The following DCAF6 variants were observed in gnomAD, a reference collection of about 807,000 sequenced individuals.
DCAF6 encodes the protein DDB1- and CUL4-associated factor 6.
Under a neutral mutation model 125.1 loss-of-function variants are expected in DCAF6, and 54 were observed. The observed-to-expected ratio is 0.43, with a 90% CI of 0.35 to 0.54. The LOEUF is 0.54. DCAF6 is among the 20% of genes least tolerant of loss of function. DCAF6 has a pLI of 0.01. For missense variants in DCAF6, 934 were observed against 1,161.7 expected, an observed-to-expected ratio of 0.80 and a Z score of 2.85; for synonymous variants, 371 against 390.4, an observed-to-expected ratio of 0.95 and a Z score of 0.58.
At chr1:168,011,901 A>C (rs548572835) in intron 10 of DCAF6, among the ~76,000 whole-genome samples, 144 of 152,280 alleles carry the variant, frequency 9.5e-4, no homozygotes, top group African/African-American at 3.3e-3. Flanking sequence ...TGAACCCAGT[A>C]GGCAGAGGTT....
At chr1:167,924,341 T>G in the DCAF6 span, 1 of 542,730 alleles carries the variant, frequency 1.8e-6, no homozygotes, top group Admixed American at 4.1e-5. Context: ...TTGCTTTATG[T>G]AGAAAACGAT....
the DCAF6 span, among the ~76,000 whole-genome samples, chr1:167,915,415 A>G: frequency 6.6e-6 from 1 of 152,190 alleles, no homozygotes; most frequent in Non-Finnish European, 1.5e-5. Context: ...CTTCCTTTAA[A>G]GTACTTAAAG....
In DCAF6 at chr1:168,075,552, C is replaced by CT. The variant is rs1480428882; in HGVS notation, c.*124dup. 41 of 894,322 alleles carry CT rather than the reference C, an allele frequency of 4.6e-5. No individual in the cohort carries two copies. Among genetic ancestry groups the CT allele is most frequent in the Non-Finnish European group, 6.2e-5 (38 of 612,888 alleles). The allele number at this position is 894,322 out of a possible 1,614,324, so 55.4% of individuals were successfully genotyped here. A position where few individuals can be genotyped will look rare whatever the true frequency, so the allele number is the denominator to read the frequency against. ...AGGTTATGGTTTTTGGAGTTTTTCC[C>CT]TTTTTTTGGGATAACCTAACATTGG... On this transcript the variant is annotated 3_prime_UTR_variant, in exon 22 of 22. Coordinates refer to ENST00000367840, the MANE Select transcript of DCAF6 (RefSeq NM_001198956.2).
intron 20 of DCAF6, among the ~76,000 whole-genome samples, chr1:168,067,264 T>G (rs1248555734): frequency 7.2e-5 from 11 of 152,180 alleles, no homozygotes; most frequent in Admixed American, 5.9e-4. Flanking sequence ...AGTTGATGTA[T>G]TGTATACATA....
At chr1:167,894,019 C>T in the DCAF6 span, 2 of 990,144 alleles carry the variant, frequency 2.0e-6, no homozygotes, top group Admixed American at 1.9e-5. Flanking sequence ...GGCTCCCAGT[C>T]CCTATTCTCT....
chr1:167,879,887 C>T, the DCAF6 span, among the ~76,000 whole-genome samples: 1 of 152,180 alleles, frequency 6.6e-6, no homozygotes, highest in African/African-American at 2.4e-5. Flanking sequence ...CATATAGCCT[C>T]CCACTGCTCC....
the DCAF6 span, among the ~76,000 whole-genome samples, chr1:167,872,057 C>T: frequency 6.6e-6 from 1 of 152,030 alleles, no homozygotes; most frequent in Non-Finnish European, 1.5e-5. Flanking sequence ...AATAAAGTTT[C>T]CAGGCTGGGA....
At chr1:168,004,467 C>A in intron 9 of DCAF6, 66 bp from the exon 10 acceptor site, 1 of 1,463,678 alleles carries the variant, frequency 6.8e-7, no homozygotes, top group Non-Finnish European at 9.4e-7. Context: ...CTGAGCATAT[C>A]TGTTTAGAGT....
At chr1:167,905,599 TAAA>T in the DCAF6 span, among the ~76,000 whole-genome samples, 315 of 145,894 alleles carry the variant, frequency 2.2e-3, 2 homozygotes, top group African/African-American at 7.4e-3. Context: ...TTTCTCTCTT[TAAA>T]AAAAAAAAAA....
At chr1:168,039,757 A>G (rs1688280371) in intron 13 of DCAF6, among the ~76,000 whole-genome samples, 2 of 149,028 alleles carry the variant, frequency 1.3e-5, no homozygotes, top group African/African-American at 4.9e-5. Context: ...AATATAATAT[A>G]GTTATGTATT....
chr1:167,882,176 C>A, the DCAF6 span, among the ~76,000 whole-genome samples: 1 of 152,172 alleles, frequency 6.6e-6, no homozygotes, highest in African/African-American at 2.4e-5. Context: ...CATCACTTTT[C>A]TCTGAATTGA....
chr1:167,897,696 CA>C, the DCAF6 span, among the ~76,000 whole-genome samples: 2,970 of 2,970 alleles, frequency 1, 1,485 homozygotes, highest in Non-Finnish European at 1. Flanking sequence ...CAGGAGACTA[CA>C]TCAAAAATAT....
upstream of DCAF6, chr1:167,936,145 T>A (rs1044731715): frequency 2.9e-6 from 1 of 348,802 alleles, no homozygotes; most frequent in Non-Finnish European, 5.4e-6. Flanking sequence ...AAGTCTGCGC[T>A]GCGCCCTGCT....
chr1:167,899,410 G>C, the DCAF6 span: 12 of 1,613,524 alleles, frequency 7.4e-6, 2 homozygotes, highest in Admixed American at 2.0e-4. Context: ...GTAAGTAGCA[G>C]CATCACACCC....
At chr1:167,985,269 A>G (rs1462470688) in intron 4 of DCAF6, among the ~76,000 whole-genome samples, 1 of 151,878 alleles carries the variant, frequency 6.6e-6, no homozygotes, top group East Asian at 1.9e-4. Flanking sequence ...TAAAGTAACA[A>G]ATTTATTATC....
chr1:167,940,528 AAT>A (rs1672082103), intron 1 of DCAF6, among the ~76,000 whole-genome samples: 1 of 151,120 alleles, frequency 6.6e-6, no homozygotes, highest in African/African-American at 2.4e-5. Flanking sequence ...TTTAAAGAAT[AAT>A]TATCAAAGTC....
chr1:167,978,025 G>A (rs1678520909), intron 4 of DCAF6, among the ~76,000 whole-genome samples: 1 of 151,952 alleles, frequency 6.6e-6, no homozygotes, highest in African/African-American at 2.4e-5. Flanking sequence ...TTTGTATCTG[G>A]CTTTTTTTGC....
At chr1:168,074,322 T>A (rs780473740) in intron 21 of DCAF6, among the ~76,000 whole-genome samples, 6 of 152,106 alleles carry the variant, frequency 3.9e-5, no homozygotes, top group African/African-American at 7.2e-5. Flanking sequence ...ACTGTTTTCC[T>A]TATGCTTAAC....
chr1:167,880,694 G>A, the DCAF6 span: 13 of 938,880 alleles, frequency 1.4e-5, no homozygotes, highest in African/African-American at 6.5e-5. Context: ...GAGAGCCGGC[G>A]GCAATTTTTG....
Sources: allele counts gnomAD v4.1 joint callset (sites outside exome capture counted in the v4.1 genomes callset), GRCh38; gene constraint gnomAD v4.1.1; transcripts MANE v1.5; gene names NCBI Gene and HGNC (gene_info 2026-07-23, HGNC 2026-07-21).